Variants in CHN1 observed in about 807,000 individuals in gnomAD.
The protein encoded by CHN1 is chimerin 1, also known as N-chimaerin.
CHN1 carries 37 observed loss-of-function variants against 59.5 expected under a neutral mutation model. The observed-to-expected ratio is 0.62, with a 90% CI of 0.48 to 0.82. The LOEUF is 0.82. CHN1 is among the 40% of genes least tolerant of loss of function. The pLI, the probability that CHN1 is intolerant of heterozygous loss-of-function variation, is 0.00. For synonymous variants in CHN1, 206 were observed against 200.4 expected, an observed-to-expected ratio of 1.03 and a Z score of -0.24; for missense variants, 469 against 571.0, an observed-to-expected ratio of 0.82 and a Z score of 1.82.
At chr2:174,835,279 C>A (rs1686035482) in intron 7 of CHN1, among the ~76,000 whole-genome samples, 1 of 152,146 alleles carries the variant, frequency 6.6e-6, no homozygotes, top group African/African-American at 2.4e-5. Flanking sequence ...TGTTCTTTCC[C>A]CAAATTTTCT....
rs374355488 is a variant in CHN1, at chr2:174,875,116, C to T, written c.549+2724G>A. 7.1e-4 allele frequency among the ~76,000 whole-genome samples: 108 copies of T among 152,058 alleles called. 1 individual carries two copies. In the South Asian group the frequency reaches 0.013, roughly 19 times the overall value. Reference sequence around the variant, plus strand: ...CTTGAATGCCTGACCTCAGGTGATCCGCCCCACCTTGGCCTCCCAATGTGC... The same window carrying T: ...CTTGAATGCCTGACCTCAGGTGATCTGCCCCACCTTGGCCTCCCAATGTGC... On this transcript the variant is annotated intron_variant, in intron 6 of 12. Transcript: ENST00000409900.
In CHN1 at chr2:174,877,845, T is replaced by C. The variant is rs988969810; in HGVS notation, c.544A>G (p.Lys182Glu). ...GTGGTTTCATAGTAGCTTACCCTTT[T>C]CTCTGACACCCCATCCTGGCCTGTA... is the stretch of plus-strand genomic sequence containing the variant. Reference protein sequence around the residue: ...DSTGQDGVSEKRLTSLVRRAT... With the variant: ...DSTGQDGVSEERLTSLVRRAT... The change falls in exon 6 of 13, where the codon AAA becomes GAA. Residue 182 changes from lysine to glutamate, a missense_variant. Around this residue, in one of 5 missense-constraint regions of CHN1, gnomAD observed 81 missense variants for 71.7 expected, o/e 1.13. Coordinates refer to ENST00000409900, the MANE Select transcript of CHN1 (RefSeq NM_001822.7). The C allele has an allele frequency of 6.2e-7, 1 of 1,611,044 alleles. No individual in the cohort carries two copies. The highest frequency in any genetic ancestry group is 1.3e-5 in the African/African-American group (1 of 74,804).
At chr2:174,944,968 T>C (rs1361048853) in intron 2 of CHN1, 25 bp from the exon 3 acceptor site, 6 of 1,529,472 alleles carry the variant, frequency 3.9e-6, no homozygotes, top group South Asian at 3.6e-5. Flanking sequence ...AAACAAAAAG[T>C]GTCAATGTCC....
At position 174,944,998 on chromosome 2, in the gene CHN1, T is replaced by TA. The variant is rs1487433970; in HGVS notation, c.59-56dup. 20 of 1,272,490 alleles carry TA rather than the reference T, an allele frequency of 1.6e-5. No homozygotes were observed. The African/African-American group carries it at 3.0e-4, about 19-fold the overall frequency. The allele number at this position is 1,272,490 out of a possible 1,614,324, so 78.8% of individuals were successfully genotyped here. A position where few individuals can be genotyped will look rare whatever the true frequency, so the allele number is the denominator to read the frequency against. ...ATGTCCCTTACATAGAACTTATCAATATATTAGAAATAAAAACCTGGCTGC... is the reference window on the plus strand; with the variant it reads ...ATGTCCCTTACATAGAACTTATCAATAATATTAGAAATAAAAACCTGGCTGC... On this transcript the variant is annotated intron_variant, in intron 2 of 12. Transcript: ENST00000409900.
At chr2:174,969,870 C>A (rs946678135) in intron 1 of CHN1, among the ~76,000 whole-genome samples, 2 of 152,242 alleles carry the variant, frequency 1.3e-5, no homozygotes, top group African/African-American at 4.8e-5. Context: ...TCAGTGTGGT[C>A]TGTAAACACT....
intron 6 of CHN1, among the ~76,000 whole-genome samples, chr2:174,853,574 G>A (rs1030843610): frequency 1.3e-5 from 2 of 152,088 alleles, no homozygotes; most frequent in African/African-American, 4.8e-5. Context: ...ACTACCATTC[G>A]ACCCAGCAAT....
At chr2:174,941,550 C>G (rs1428716946) in intron 3 of CHN1, among the ~76,000 whole-genome samples, 1 of 152,094 alleles carries the variant, frequency 6.6e-6, no homozygotes, top group Non-Finnish European at 1.5e-5. Context: ...ATATTACAAA[C>G]AAAATAATTT....
At chr2:174,994,147 T>C (rs908854115) in intron 1 of CHN1, among the ~76,000 whole-genome samples, 2 of 152,226 alleles carry the variant, frequency 1.3e-5, no homozygotes, top group Non-Finnish European at 1.5e-5. Context: ...GAATTTGTTA[T>C]CTAATTATGC....
At chr2:174,933,955 G>A (rs1348248459) in intron 3 of CHN1, among the ~76,000 whole-genome samples, 65 of 152,124 alleles carry the variant, frequency 4.3e-4, no homozygotes, top group Admixed American at 4.3e-3. Context: ...CAGGAGTAAA[G>A]TAGGATACAA....
intron 1 of CHN1, among the ~76,000 whole-genome samples, chr2:174,983,800 C>G (rs1691242633): frequency 6.6e-6 from 1 of 152,048 alleles, no homozygotes; most frequent in African/African-American, 2.4e-5. Context: ...TGCACTCCAG[C>G]CTGGGCAACA....
intron 6 of CHN1, among the ~76,000 whole-genome samples, chr2:174,867,724 G>GAT (rs1052451279): frequency 2.4e-4 from 37 of 151,898 alleles, no homozygotes; most frequent in South Asian, 1.0e-3. Flanking sequence ...ACATAAAGCA[G>GAT]ATATATATAT....
At chr2:174,943,453 T>C (rs1160719946) in intron 3 of CHN1, among the ~76,000 whole-genome samples, 1 of 151,988 alleles carries the variant, frequency 6.6e-6, no homozygotes, top group African/African-American at 2.4e-5. Flanking sequence ...TCTCAAACTC[T>C]TGACCTCGTG....
chr2:174,805,160 G>C (rs1172539211), intron 11 of CHN1, among the ~76,000 whole-genome samples: 1 of 152,198 alleles, frequency 6.6e-6, no homozygotes, highest in African/African-American at 2.4e-5. Context: ...CAATGGGAGA[G>C]AGTTATGAAA....
intron 11 of CHN1, among the ~76,000 whole-genome samples, chr2:174,806,022 G>A (rs1044953088): frequency 6.6e-6 from 1 of 152,178 alleles, no homozygotes; most frequent in Non-Finnish European, 1.5e-5. Context: ...AACTTTGGCA[G>A]TGCTGTTTCC....
intron 7 of CHN1, among the ~76,000 whole-genome samples, chr2:174,838,719 T>C (rs1686182115): frequency 6.6e-6 from 1 of 151,990 alleles, no homozygotes. Context: ...AACTGAAATA[T>C]TAAGAATTTT....
chr2:174,976,123 T>A (rs1232344799), intron 1 of CHN1, among the ~76,000 whole-genome samples: 7 of 33,608 alleles, frequency 2.1e-4, no homozygotes, highest in African/African-American at 8.2e-4. Flanking sequence ...CAAGACTCCG[T>A]CTCAAAAAAA....
At chr2:174,840,220 G>C (rs189073928) in intron 7 of CHN1, among the ~76,000 whole-genome samples, 6 of 137,392 alleles carry the variant, frequency 4.4e-5, no homozygotes, top group Admixed American at 8.0e-5. Context: ...CCAGGCTGGA[G>C]TGCAGTGGTG....
intron 1 of CHN1, among the ~76,000 whole-genome samples, chr2:174,967,004 A>T (rs1341879418): frequency 6.6e-6 from 1 of 152,050 alleles, no homozygotes; most frequent in Non-Finnish European, 1.5e-5. Context: ...AATGCGCAAA[A>T]CTCGATAACG....
Position 174,942,516 on chromosome 2 carries a change from A to G in CHN1, c.114+2372T>C, listed in dbSNP as rs144701699. ...ATCTAGAGGCTGGGAGGGGTAGAGG[A>G]AAAAAAGGATAGGGAGAGGTTGGTT... On this transcript the variant is annotated intron_variant, in intron 3 of 12. Coordinates refer to ENST00000409900, the MANE Select transcript of CHN1 (RefSeq NM_001822.7). Among the ~76,000 whole-genome samples, 13 of 152,210 alleles carry G rather than the reference A, an allele frequency of 8.5e-5. 1 individual carries two copies. In the East Asian group the frequency reaches 2.3e-3, roughly 27 times the overall value.
Sources: allele counts gnomAD v4.1 joint callset (sites outside exome capture counted in the v4.1 genomes callset), GRCh38; gene constraint gnomAD v4.1.1; regional missense constraint gnomAD v4.1.1; transcripts MANE v1.5; gene names NCBI Gene and HGNC (gene_info 2026-07-23, HGNC 2026-07-21).